UTP20: variants seen among roughly 807,000 people sequenced by gnomAD.
UTP20 encodes the protein small subunit processome component 20 homolog.
Under a neutral mutation model 329.5 loss-of-function variants are expected in UTP20, and 164 were observed. That is an observed-to-expected ratio of 0.50 (90% CI 0.44 to 0.57). The LOEUF is 0.57. Ranked by LOEUF, UTP20 falls within the 20% of genes least tolerant of loss-of-function variation. The pLI, the probability that UTP20 is intolerant of heterozygous loss-of-function variation, is 0.00. For missense variants in UTP20, 3,055 were observed against 3,284.2 expected (o/e 0.93, Z 1.71); for synonymous variants, 1,151 against 1,159.3 (o/e 0.99, Z 0.14).
At chr12:101,305,889 T>C in intron 15 of UTP20, 26 bp from the exon 16 acceptor site, 1 of 1,572,488 alleles carries the variant, frequency 6.4e-7, no homozygotes, top group Non-Finnish European at 8.6e-7. Context: ...TGGTACAGTT[T>C]GGGTCTAATG....
chr12:101,333,507 C>T, intron 28 of UTP20, 63 bp downstream of exon 28: 1 of 1,567,898 alleles, frequency 6.4e-7, no homozygotes, highest in Non-Finnish European at 8.7e-7. Context: ...ACTAACTCAC[C>T]AACATAGCTA....
intron 47 of UTP20, among the ~76,000 whole-genome samples, chr12:101,367,439 C>G (rs1328539026): frequency 2.0e-5 from 3 of 152,192 alleles, no homozygotes; most frequent in East Asian, 3.8e-4. Context: ...TCACCATACT[C>G]TTTCCTGCCC....
chr12:101,378,973 A>G (rs913024914), intron 56 of UTP20, among the ~76,000 whole-genome samples: 7 of 152,154 alleles, frequency 4.6e-5, no homozygotes, highest in African/African-American at 1.4e-4. Context: ...ATGCCTACTT[A>G]TGGGGTATCT....
At chr12:101,354,751 G>T (rs913661500) in intron 40 of UTP20, 81 bp from the exon 41 acceptor site, 2 of 1,455,358 alleles carry the variant, frequency 1.4e-6, no homozygotes, top group East Asian at 2.3e-5. Context: ...GAAGTTGGAC[G>T]TTGGTGGGAA....
At chr12:101,325,169 G>T (rs1280550190) in intron 25 of UTP20, among the ~76,000 whole-genome samples, 2 of 152,102 alleles carry the variant, frequency 1.3e-5, no homozygotes, top group Non-Finnish European at 1.5e-5. Flanking sequence ...TACCTACAGG[G>T]CTTGATATGG....
chr12:101,289,164 G>T (rs150105783), intron 6 of UTP20, 123 bp downstream of exon 6: 4 of 796,386 alleles, frequency 5.0e-6, no homozygotes, highest in Non-Finnish European at 7.8e-6. Flanking sequence ...ATCACCTGAG[G>T]TCAGGAATTG....
intron 10 of UTP20, among the ~76,000 whole-genome samples, chr12:101,292,962 G>C (rs1218158264): frequency 6.6e-6 from 1 of 152,192 alleles, no homozygotes; most frequent in Non-Finnish European, 1.5e-5. Flanking sequence ...ACTGTAGCTG[G>C]GCAAGAGTTG....
intron 41 of UTP20, 149 bp from the exon 42 acceptor site, chr12:101,356,405 C>A: frequency 1.3e-6 from 1 of 778,378 alleles, no homozygotes; most frequent in Non-Finnish European, 1.9e-6. Context: ...GGATTCCAGG[C>A]ATGAGCCACC....
At position 101,327,133 on chromosome 12, in the gene UTP20, T is replaced by C; in HGVS notation, c.3094T>C (p.Ser1032Pro). 1 of 1,613,012 alleles carries C rather than the reference T, an allele frequency of 6.2e-7. No homozygotes were observed. Among genetic ancestry groups the C allele is most frequent in the Non-Finnish European group, 8.5e-7 (1 of 1,179,074 alleles). Residue 1032 changes from serine to proline, a missense_variant, in exon 26 of 62, where the codon TCT (serine) becomes CCT (proline). Transcript: ENST00000261637. Reference sequence around the variant, plus strand: ...GACTGGGAGTAAAACTCAGGGGAAATCTGCTTCAGGCACCCGCATGGCCAT... The same window carrying C: ...GACTGGGAGTAAAACTCAGGGGAAACCTGCTTCAGGCACCCGCATGGCCAT... ...NKTGSKTQGK[S>P]ASGTRMAIVL...
chr12:101,314,020 G>A (rs889512818), intron 21 of UTP20, among the ~76,000 whole-genome samples: 8 of 152,170 alleles, frequency 5.3e-5, no homozygotes, highest in Non-Finnish European at 8.8e-5. Flanking sequence ...ATCAATATAT[G>A]GATGGTATTT....
At position 101,374,821 on chromosome 12, in the gene UTP20, A is replaced by C. The variant is rs1870418400; in HGVS notation, c.7145A>C (p.Gln2382Pro). The C allele has an allele frequency of 2.6e-6, 3 of 1,132,928 alleles. No homozygotes were observed. 70.2% of individuals were successfully genotyped at this position (1,132,928 alleles called of 1,614,324 possible). A position where few individuals can be genotyped will look rare whatever the true frequency, so the allele number is the denominator to read the frequency against. Residue 2382 changes from glutamine to proline, a missense_variant, in exon 55 of 62, where the codon CAA (glutamine) becomes CCA (proline). Transcript: ENST00000261637. ...WFGAKKRLNR[Q>P]LAALICGLFV... ...TATTTTTGGTAGCGCTTAAATAGAC[A>C]ACTTGCTGCCCTGATCTGTGGCTTG...
In UTP20 at chr12:101,340,593, C is replaced by T. The variant is rs561334023; in HGVS notation, c.4084C>T (p.Arg1362Cys). Residue 1362 changes from arginine to cysteine, a missense_variant, in exon 32 of 62, where the codon CGT becomes TGT. By Grantham distance (180) the Arg-to-Cys change is radical (BLOSUM62 -3). This residue lies in a region of UTP20 where 2,445 missense variants were observed against 2,575.5 expected (regional missense o/e 0.95). Coordinates refer to ENST00000261637, the MANE Select transcript of UTP20 (RefSeq NM_014503.3). ...LITLLLPFLH[R>C]GNIAEDTEVD... ...TACGCTTCTCCTTCCATTCCTCCAC[C>T]GTGGCAATATTGCTGAGGTACAAAC... The T allele has an allele frequency of 1.6e-5, 25 of 1,610,712 alleles. No homozygotes were observed. The highest frequency in any genetic ancestry group is 2.1e-5 in the Non-Finnish European group (25 of 1,177,866).
intron 9 of UTP20, 24 bp from the exon 10 acceptor site, chr12:101,291,946 A>T (rs748830422): frequency 6.2e-7 from 1 of 1,610,438 alleles, no homozygotes; most frequent in South Asian, 1.1e-5. Context: ...ATTGCTGAGT[A>T]TGCATTGTTT....
chr12:101,307,483 C>T (rs979684058), intron 17 of UTP20, among the ~76,000 whole-genome samples: 2 of 152,060 alleles, frequency 1.3e-5, no homozygotes, highest in Non-Finnish European at 2.9e-5. Context: ...CTCAAGCGAT[C>T]CTCCTGGCTC....
intron 16 of UTP20, among the ~76,000 whole-genome samples, chr12:101,306,355 CCTG>C (rs1872641321): frequency 6.6e-6 from 1 of 151,766 alleles, no homozygotes; most frequent in Admixed American, 6.6e-5. Flanking sequence ...AGGTGGTTCT[CCTG>C]CTCATTTAGG....
In UTP20 at chr12:101,323,296, A is replaced by G. The variant is rs1359449267; in HGVS notation, c.3041+1667A>G. Among the ~76,000 whole-genome samples, 4 of 152,204 alleles carry G rather than the reference A, an allele frequency of 2.6e-5. No homozygotes were observed. In the East Asian group the frequency reaches 7.7e-4, roughly 29 times the overall value. On this transcript the variant is annotated intron_variant, in intron 25 of 61. Coordinates refer to ENST00000261637, the MANE Select transcript of UTP20 (RefSeq NM_014503.3). Reference sequence around the variant, plus strand: ...ATAGAAAATCTTACATTGAATACCTATAAATCTTATTCGATTGATGGATTA... The same window carrying G: ...ATAGAAAATCTTACATTGAATACCTGTAAATCTTATTCGATTGATGGATTA...
At chr12:101,385,097 CAAAA>C (rs35335261) in intron 60 of UTP20, among the ~76,000 whole-genome samples, 4 of 114,114 alleles carry the variant, frequency 3.5e-5, no homozygotes, top group African/African-American at 3.4e-5. Flanking sequence ...ACTCCCCCGC[CAAAA>C]AAAAAAAAAA....
At chr12:101,383,738 C>T (rs1870734200) in intron 60 of UTP20, 69 bp downstream of exon 60, 14 of 1,319,296 alleles carry the variant, frequency 1.1e-5, no homozygotes, top group Non-Finnish European at 1.3e-5. Flanking sequence ...CTGAATGTTT[C>T]CTTCTTCCTT....
At chr12:101,383,741 T>C in intron 60 of UTP20, 72 bp downstream of exon 60, 1 of 1,302,980 alleles carries the variant, frequency 7.7e-7, no homozygotes, top group Non-Finnish European at 1.0e-6. Context: ...AATGTTTCCT[T>C]CTTCCTTTCT....
Sources: gnomAD v4.1 joint callset for allele counts (sites outside exome capture counted in the v4.1 genomes callset) on GRCh38, gnomAD v4.1.1 for gene constraint, gnomAD v4.1.1 regional missense constraint, MANE v1.5 for transcripts, NCBI Gene and HGNC (gene_info 2026-07-23, HGNC 2026-07-21) for gene names.